HCRTR2: variants seen among roughly 807,000 people sequenced by gnomAD.
HCRTR2 encodes the protein orexin receptor type 2.
A neutral mutation model predicts 49.0 loss-of-function variants in HCRTR2; 22 were observed. The observed-to-expected ratio is 0.45, with a 90% CI of 0.32 to 0.64. The LOEUF (loss-of-function observed/expected upper bound fraction) is 0.64. Ranked by LOEUF, HCRTR2 falls within the 30% of genes least tolerant of loss-of-function variation. The pLI is 0.04. For missense variants in HCRTR2, 491 were observed against 559.4 expected (o/e 0.88, Z 1.23); for synonymous variants, 236 against 205.3 (o/e 1.15, Z -1.28).
chr6:55,264,754 A>G (rs1206419574), intron 4 of HCRTR2, among the ~76,000 whole-genome samples: 1 of 152,100 alleles, frequency 6.6e-6, no homozygotes. Flanking sequence ...CAATTCTTAG[A>G]GATGTATTTC....
chr6:55,178,438 A>C (rs4454139), intron 1 of HCRTR2, among the ~76,000 whole-genome samples: 119,072 of 152,046 alleles, frequency 0.78, 46,718 homozygotes, highest in Non-Finnish European at 0.81. Context: ...ATCGATAATG[A>C]CTGCATTATA....
At chr6:55,242,466 C>T (rs1183132066) in intron 1 of HCRTR2, among the ~76,000 whole-genome samples, 1 of 151,900 alleles carries the variant, frequency 6.6e-6, no homozygotes, top group African/African-American at 2.4e-5. Flanking sequence ...AATCATTGTC[C>T]CTCTCTGTTT....
At chr6:55,124,007 TTCTC>T (rs1187299552) in intron 1 of HCRTR2, among the ~76,000 whole-genome samples, 1 of 152,194 alleles carries the variant, frequency 6.6e-6, no homozygotes, top group Non-Finnish European at 1.5e-5. Flanking sequence ...TATTTGATTC[TTCTC>T]TCTTTTCTTC....
chr6:55,277,374 T>C lies in HCRTR2; in HGVS notation c.763-6T>C, dbSNP rs1331675133. On this transcript the variant is annotated splice_polypyrimidine_tract_variant and splice_region_variant and intron_variant, in intron 4 of 6. Coordinates refer to ENST00000370862, the MANE Select transcript of HCRTR2 (RefSeq NM_001384272.1). Reference sequence around the variant, plus strand: ...TGCAATAAGGGTCTGTCTCTTCTCCTTTCAGATCCCTGGAACATCATCTGT... The same window carrying C: ...TGCAATAAGGGTCTGTCTCTTCTCCCTTCAGATCCCTGGAACATCATCTGT... The C allele has an allele frequency of 3.7e-6, 6 of 1,610,928 alleles. No individual in the cohort carries two copies. The highest frequency in any genetic ancestry group is 3.4e-6 in the Non-Finnish European group (4 of 1,177,274).
chr6:55,244,118 G>A (rs559809762), intron 1 of HCRTR2, among the ~76,000 whole-genome samples: 53 of 151,954 alleles, frequency 3.5e-4, no homozygotes, highest in African/African-American at 1.2e-3. Flanking sequence ...TGTATTTTAC[G>A]GGAAACATTA....
chr6:55,130,767 C>T (rs1310004548), intron 1 of HCRTR2, among the ~76,000 whole-genome samples: 1 of 151,794 alleles, frequency 6.6e-6, no homozygotes, highest in Non-Finnish European at 1.5e-5. Flanking sequence ...ATATAGTTTT[C>T]TTCTCCTGCA....
chr6:55,260,314 T>A (rs968109042), intron 3 of HCRTR2, among the ~76,000 whole-genome samples: 1 of 152,134 alleles, frequency 6.6e-6, no homozygotes, highest in Non-Finnish European at 1.5e-5. Context: ...TCAAAACAAA[T>A]AAAAGTTCAA....
chr6:55,185,095 G>A (rs572173416), intron 1 of HCRTR2, among the ~76,000 whole-genome samples: 11 of 152,206 alleles, frequency 7.2e-5, no homozygotes, highest in East Asian at 3.9e-4. Flanking sequence ...ATATTAAACC[G>A]AATCAACTTT....
intron 1 of HCRTR2, among the ~76,000 whole-genome samples, chr6:55,129,416 A>C (rs12209620): frequency 0.057 from 8,651 of 152,142 alleles, 370 homozygotes; most frequent in African/African-American, 0.11. Context: ...TTTGAAATGT[A>C]AGTAAGAGTT....
At chr6:55,219,901 A>C (rs939858460) in intron 1 of HCRTR2, among the ~76,000 whole-genome samples, 2 of 152,202 alleles carry the variant, frequency 1.3e-5, no homozygotes, top group East Asian at 1.9e-4. Context: ...AAAGATTTGC[A>C]GGCTATTCTG....
At chr6:55,180,996 A>G (rs376133897) in intron 1 of HCRTR2, among the ~76,000 whole-genome samples, 6 of 147,516 alleles carry the variant, frequency 4.1e-5, no homozygotes, top group African/African-American at 1.5e-4. Context: ...TTTAGTAGAG[A>G]TGGGTTTCAC....
chr6:55,230,952 A>G (rs914968907), intron 1 of HCRTR2, among the ~76,000 whole-genome samples: 14 of 152,066 alleles, frequency 9.2e-5, no homozygotes, highest in Admixed American at 7.9e-4. Context: ...AGTAAGAAGT[A>G]TCACATCTAA....
intron 1 of HCRTR2, among the ~76,000 whole-genome samples, chr6:55,213,979 C>CAA (rs771773826): frequency 2.8e-4 from 36 of 127,930 alleles, no homozygotes; most frequent in African/African-American, 8.7e-4. Flanking sequence ...GTGATGTATC[C>CAA]AAAAAAAAAA....
chr6:55,251,531 T>C (rs1766549990), intron 2 of HCRTR2, among the ~76,000 whole-genome samples: 2 of 151,906 alleles, frequency 1.3e-5, no homozygotes, highest in African/African-American at 4.8e-5. Context: ...TTTTTTTAAC[T>C]GCAGAAGACG....
chr6:55,110,210 A>T (rs1330948503), intron 1 of HCRTR2, among the ~76,000 whole-genome samples: 3 of 152,132 alleles, frequency 2.0e-5, no homozygotes, highest in Non-Finnish European at 4.4e-5. Context: ...AAGAGCTACT[A>T]AAAGAAGTTC....
At chr6:55,142,757 T>C (rs922891833) in intron 1 of HCRTR2, among the ~76,000 whole-genome samples, 1 of 152,080 alleles carries the variant, frequency 6.6e-6, no homozygotes, top group Non-Finnish European at 1.5e-5. Flanking sequence ...TAATAATGTA[T>C]TCTTTCCCCA....
intron 1 of HCRTR2, among the ~76,000 whole-genome samples, chr6:55,225,219 A>G (rs770233774): frequency 1.1e-4 from 17 of 152,170 alleles, no homozygotes; most frequent in Non-Finnish European, 2.2e-4. Context: ...TATAGTGTTT[A>G]TTATTGGTCT....
intron 1 of HCRTR2, among the ~76,000 whole-genome samples, chr6:55,142,972 T>TGATA (rs56684507): frequency 1 from 151,385 of 151,444 alleles, 75,663 homozygotes; most frequent in Middle Eastern, 1. Flanking sequence ...AGGCAGATTA[T>TGATA]GATAGAAAGA....
chr6:55,168,118 G>T (rs1054925938), intron 1 of HCRTR2, among the ~76,000 whole-genome samples: 4 of 152,282 alleles, frequency 2.6e-5, no homozygotes, highest in East Asian at 1.9e-4. Flanking sequence ...AATGCAAAGT[G>T]CATGCTAAGT....
Sources: allele counts gnomAD v4.1 joint callset (sites outside exome capture counted in the v4.1 genomes callset), GRCh38; gene constraint gnomAD v4.1.1; transcripts MANE v1.5; gene names NCBI Gene and HGNC (gene_info 2026-07-23, HGNC 2026-07-21).